Variants in RPTOR observed in about 807,000 individuals in gnomAD.
RPTOR encodes the protein regulatory-associated protein of mTOR.
A neutral mutation model predicts 169.9 loss-of-function variants in RPTOR; 21 were observed. The observed-to-expected ratio is 0.12, with a 90% CI of 0.09 to 0.18. RPTOR has a LOEUF of 0.18. Among genes scored for constraint, RPTOR ranks in the 10% least tolerant of loss-of-function variants. The pLI, the probability that RPTOR is intolerant of heterozygous loss-of-function variation, is 1.00. For missense variants in RPTOR, 1,133 were observed against 1,855.9 expected (o/e 0.61, Z 7.16); for synonymous variants, 732 against 753.2 (o/e 0.97, Z 0.46).
intron 3 of RPTOR, among the ~76,000 whole-genome samples, chr17:80,676,721 G>C (rs540651896): frequency 6.6e-6 from 1 of 152,234 alleles, no homozygotes; most frequent in Admixed American, 6.5e-5. Context: ...GGAAGCCTGC[G>C]TGGTGGCTGA....
At chr17:80,887,579 C>T (rs2068264348) in intron 17 of RPTOR, among the ~76,000 whole-genome samples, 1 of 152,164 alleles carries the variant, frequency 6.6e-6, no homozygotes, top group African/African-American at 2.4e-5. Context: ...TCTCAAGGAC[C>T]ATCCTGAGCC....
Position 80,965,261 on chromosome 17 carries a change from G to A in RPTOR, c.*931G>A. 4.3e-6 allele frequency: 1 copy of A among 233,392 alleles called. No homozygotes were observed. The highest frequency in any genetic ancestry group is 8.5e-6 in the Non-Finnish European group (1 of 118,102). 14.5% of individuals were successfully genotyped at this position (233,392 alleles called of 1,614,324 possible). A position where few individuals can be genotyped will look rare whatever the true frequency, so the allele number is the denominator to read the frequency against. On this transcript the variant is annotated 3_prime_UTR_variant, in exon 34 of 34. Transcript: ENST00000306801. ...GATGGCACCACGGCCGGCACCTGGG[G>A]GCACACACATGCAGGCGGCGTGGTC... is the stretch of plus-strand genomic sequence containing the variant.
intron 4 of RPTOR, among the ~76,000 whole-genome samples, chr17:80,713,555 G>A (rs1470891361): frequency 6.6e-6 from 1 of 152,166 alleles, no homozygotes; most frequent in African/African-American, 2.4e-5. Flanking sequence ...CAAACCTTGT[G>A]CTGTCCATAG....
intron 7 of RPTOR, among the ~76,000 whole-genome samples, chr17:80,814,602 A>G (rs1320785729): frequency 1.3e-5 from 2 of 152,166 alleles, no homozygotes; most frequent in Admixed American, 6.5e-5. Flanking sequence ...CAGTTTGACA[A>G]TCATTCAGTG....
chr17:80,668,003 G>A (rs1438629795), intron 3 of RPTOR, among the ~76,000 whole-genome samples: 1 of 152,194 alleles, frequency 6.6e-6, no homozygotes, highest in East Asian at 1.9e-4. Context: ...GAACCACAGG[G>A]GGTTTAATGC....
intron 1 of RPTOR, among the ~76,000 whole-genome samples, chr17:80,588,660 A>G (rs994332123): frequency 6.6e-6 from 1 of 152,224 alleles, no homozygotes; most frequent in African/African-American, 2.4e-5. Flanking sequence ...ATGACTAATG[A>G]AATTACACAC....
chr17:80,892,777 T>G lies in RPTOR; in HGVS notation c.2150T>G (p.Leu717Arg). The change falls in exon 19 of 34, where the codon CTT becomes CGT. Residue 717 changes from leucine (L) to arginine (R), a missense_variant. This residue lies in a region of RPTOR where 150 missense variants were observed against 206.4 expected (regional missense o/e 0.73). Coordinates refer to ENST00000306801, the MANE Select transcript of RPTOR (RefSeq NM_020761.3). The part of the protein sequence containing the change: ...PVRDSPCTPR[L>R]RSVSSYGNIR... Reference sequence around the variant, plus strand: ...CGAGACAGCCCGTGCACCCCCAGACTTCGTTCTGTGAGCTCCTATGGAAAC... The same window carrying G: ...CGAGACAGCCCGTGCACCCCCAGACGTCGTTCTGTGAGCTCCTATGGAAAC... The G allele has an allele frequency of 6.2e-7, 1 of 1,614,180 alleles. No homozygotes were observed. Among genetic ancestry groups the G allele is most frequent in the Non-Finnish European group, 8.5e-7 (1 of 1,180,026 alleles).
chr17:80,590,623 C>T (rs1291111759), intron 1 of RPTOR, among the ~76,000 whole-genome samples: 1 of 151,722 alleles, frequency 6.6e-6, no homozygotes, highest in Non-Finnish European at 1.5e-5. Context: ...AGGAGGCATG[C>T]AGGTATGCGC....
intron 1 of RPTOR, among the ~76,000 whole-genome samples, chr17:80,620,735 G>A (rs1720455292): frequency 6.6e-6 from 1 of 152,236 alleles, no homozygotes; most frequent in African/African-American, 2.4e-5. Context: ...CACTGCACGT[G>A]ATCGTGGTCA....
At chr17:80,909,223 T>C (rs1238320763) in intron 21 of RPTOR, among the ~76,000 whole-genome samples, 3 of 71,130 alleles carry the variant, frequency 4.2e-5, no homozygotes, top group Non-Finnish European at 9.6e-5. Context: ...GTGCTGGCCC[T>C]TCTTCCATTT....
At chr17:80,940,238 T>C (rs1474941813) in intron 24 of RPTOR, among the ~76,000 whole-genome samples, 2 of 151,758 alleles carry the variant, frequency 1.3e-5, no homozygotes, top group African/African-American at 2.4e-5. Context: ...CAAGAAACAA[T>C]CCAAATTTTA....
At chr17:80,690,971 G>A (rs1337065136) in intron 3 of RPTOR, among the ~76,000 whole-genome samples, 1 of 152,072 alleles carries the variant, frequency 6.6e-6, no homozygotes. Context: ...ATTTTTAAAT[G>A]TCTTGTAGAA....
intron 9 of RPTOR, among the ~76,000 whole-genome samples, chr17:80,832,317 C>T (rs2067514077): frequency 6.6e-6 from 1 of 152,220 alleles, no homozygotes. Context: ...CCCGTGGAAG[C>T]TCGTGCTGGC....
intron 3 of RPTOR, among the ~76,000 whole-genome samples, chr17:80,685,623 ATATATTTTTTTTTTT>A (rs2065936607): frequency 3.8e-5 from 1 of 26,628 alleles, no homozygotes; most frequent in Non-Finnish European, 6.7e-5. Flanking sequence ...ATATATATAT[ATATATTTTTTTTTTT>A]TTTTTTTTTT....
At chr17:80,639,328 A>G (rs2065533848) in intron 2 of RPTOR, among the ~76,000 whole-genome samples, 1 of 151,752 alleles carries the variant, frequency 6.6e-6, no homozygotes, top group Non-Finnish European at 1.5e-5. Context: ...GGTACAAAGA[A>G]CTACAAAGAT....
rs116258508 is a variant in RPTOR at position 80,560,259 on chromosome 17, A to G, written c.162+14468A>G. ...GGGCTGTGGAGTCCATGGTGGCTGG[A>G]CGAAGATCTGTGTGCTCAGGTGGAG... On this transcript the variant is annotated intron_variant, in intron 1 of 33. Coordinates refer to ENST00000306801, the MANE Select transcript of RPTOR (RefSeq NM_020761.3). 9.1e-3 allele frequency among the ~76,000 whole-genome samples: 1,384 copies of G among 152,280 alleles called. 31 individuals are homozygous for G. The highest frequency in any genetic ancestry group is 0.031 in the African/African-American group (1,287 of 41,556).
intron 7 of RPTOR, among the ~76,000 whole-genome samples, chr17:80,792,996 A>T (rs2067064870): frequency 1.3e-5 from 2 of 152,176 alleles, no homozygotes; most frequent in Admixed American, 1.3e-4. Context: ...TTAAAAAAAA[A>T]TAGGGCATCT....
chr17:80,663,494 C>T (rs1421313480), intron 3 of RPTOR, among the ~76,000 whole-genome samples: 1 of 152,130 alleles, frequency 6.6e-6, no homozygotes, highest in African/African-American at 2.4e-5. Flanking sequence ...CATCAGTGAG[C>T]TGGGAGGTAT....
At chr17:80,636,367 G>A (rs1599623397) in intron 2 of RPTOR, among the ~76,000 whole-genome samples, 1 of 152,128 alleles carries the variant, frequency 6.6e-6, no homozygotes, top group African/African-American at 2.4e-5. Flanking sequence ...TGTTGCTGCT[G>A]TAACAGAATA....
Sources: allele counts gnomAD v4.1 joint callset (sites outside exome capture counted in the v4.1 genomes callset), GRCh38; gene constraint gnomAD v4.1.1; regional missense constraint gnomAD v4.1.1; transcripts MANE v1.5; gene names NCBI Gene and HGNC (gene_info 2026-07-23, HGNC 2026-07-21).